The following STK32B variants were observed in gnomAD, a reference collection of about 807,000 sequenced individuals.
STK32B encodes the protein serine/threonine-protein kinase 32B.
STK32B carries 43 observed loss-of-function variants against 52.6 expected under a neutral mutation model. That is an observed-to-expected ratio of 0.82 (90% CI 0.64 to 1.05). The LOEUF (loss-of-function observed/expected upper bound fraction) is 1.05, where lower values mean the gene tolerates loss of function less well. Ranked by LOEUF, STK32B falls within the 50% of genes least tolerant of loss-of-function variation. STK32B has a pLI of 0.00. For missense variants in STK32B, 621 were observed against 534.6 expected (o/e 1.16, Z -1.59); for synonymous variants, 238 against 204.3 (o/e 1.17, Z -1.41).
At chr4:5,369,581 C>A (rs1177405474) in intron 4 of STK32B, among the ~76,000 whole-genome samples, 1 of 152,106 alleles carries the variant, frequency 6.6e-6, no homozygotes, top group Non-Finnish European at 1.5e-5. Flanking sequence ...AGAAGGTGGG[C>A]GTCCTCATGG....
chr4:5,240,035 TC>T (rs1405321197), intron 3 of STK32B, among the ~76,000 whole-genome samples: 2 of 148,322 alleles, frequency 1.3e-5, no homozygotes, highest in African/African-American at 2.6e-5. Flanking sequence ...TTTTTCTCTT[TC>T]CCCCCTTCAT....
At chr4:5,207,769 A>C (rs377115273) in intron 3 of STK32B, among the ~76,000 whole-genome samples, 22 of 151,908 alleles carry the variant, frequency 1.4e-4, no homozygotes, top group African/African-American at 5.1e-4. Flanking sequence ...CTCATTGGCA[A>C]AGAGGACTGT....
At chr4:5,412,807 C>T (rs1245180085) in intron 5 of STK32B, among the ~76,000 whole-genome samples, 1 of 152,132 alleles carries the variant, frequency 6.6e-6, no homozygotes, top group Non-Finnish European at 1.5e-5. Flanking sequence ...TTATGAGTTT[C>T]CCTGCTTTGG....
At chr4:5,304,070 GGTGACT>G (rs1489566476) in intron 3 of STK32B, among the ~76,000 whole-genome samples, 3 of 151,998 alleles carry the variant, frequency 2.0e-5, no homozygotes, top group African/African-American at 7.3e-5. Context: ...ATGCTGTTTG[GGTGACT>G]GTGGCCTTAC....
chr4:5,168,684 T>C (rs1719087825), intron 3 of STK32B, among the ~76,000 whole-genome samples: 1 of 152,222 alleles, frequency 6.6e-6, no homozygotes, highest in Admixed American at 6.5e-5. Flanking sequence ...TGAAAATAAA[T>C]GGAGAAGTGT....
intron 3 of STK32B, among the ~76,000 whole-genome samples, chr4:5,183,813 C>T (rs1720536317): frequency 6.6e-6 from 1 of 152,106 alleles, no homozygotes; most frequent in South Asian, 2.1e-4. Flanking sequence ...GCTTTTTTCC[C>T]CTTTAAACCT....
At chr4:5,163,450 G>A (rs890075383) in intron 2 of STK32B, among the ~76,000 whole-genome samples, 7 of 152,110 alleles carry the variant, frequency 4.6e-5, no homozygotes, top group African/African-American at 1.7e-4. Context: ...GTGGCAGTAG[G>A]TCAGGGAAGG....
intron 3 of STK32B, among the ~76,000 whole-genome samples, chr4:5,267,998 G>A (rs191129553): frequency 9.9e-5 from 15 of 152,244 alleles, no homozygotes; most frequent in African/African-American, 2.9e-4. Flanking sequence ...GGTTGCTTTG[G>A]ACAAGGTACA....
At chr4:5,235,699 C>G (rs1209656512) in intron 3 of STK32B, among the ~76,000 whole-genome samples, 1 of 152,202 alleles carries the variant, frequency 6.6e-6, no homozygotes, top group East Asian at 1.9e-4. Context: ...ACAGTCTGCT[C>G]CAGCCTCATT....
chr4:5,082,725 C>T (rs796862440), intron 1 of STK32B, among the ~76,000 whole-genome samples: 42 of 129,498 alleles, frequency 3.2e-4, no homozygotes, highest in African/African-American at 3.1e-4. Flanking sequence ...AGTACATGTT[C>T]GTAGTAAAAA....
At chr4:5,087,221 A>G (rs28870688) in intron 1 of STK32B, among the ~76,000 whole-genome samples, 59,033 of 151,870 alleles carry the variant, frequency 0.39, 12,199 homozygotes, top group Non-Finnish European at 0.47. Flanking sequence ...GAAATTAAGT[A>G]GTATTAATAG....
chr4:5,281,284 T>G (rs1008326729), intron 3 of STK32B, among the ~76,000 whole-genome samples: 4 of 152,094 alleles, frequency 2.6e-5, no homozygotes, highest in African/African-American at 9.7e-5. Context: ...CCAAACCATA[T>G]CAGTCACTAT....
At position 5,400,292 on chromosome 4, in the gene STK32B, C is replaced by T. The variant is rs1009002077; in HGVS notation, c.472+2048C>T. Among the ~76,000 whole-genome samples the T allele has an allele frequency of 6.6e-6, 1 of 152,182 alleles. No individual in the cohort carries two copies. Among genetic ancestry groups the T allele is most frequent in the African/African-American group, 2.4e-5 (1 of 41,442 alleles). On this transcript the variant is annotated intron_variant, in intron 5 of 11. Transcript: ENST00000282908. This position sits in a 1 kb window ranked among gnomAD's most constrained non-coding sequence, Gnocchi z 6.1. ...TCCTGCCTTTTGGATTTCCATCCAT[C>T]CCATTCCGCCTCCCTTTCTGTACCC...
chr4:5,466,621 T>A, intron 9 of STK32B, 82 bp from the exon 10 acceptor site: 1 of 1,497,660 alleles, frequency 6.7e-7, no homozygotes, highest in Non-Finnish European at 9.0e-7. Context: ...GTTGAATGAA[T>A]GAATGGTTGA....
rs1286666935 is a variant in STK32B, at chr4:5,500,176, G to GGAGT, written c.*1094_*1097dup. ...GATGAGCAGGGAAAGCTTAGACTTT[G>GGAGT]GAGTCAGGTTTGTGTTCAGAATCCA... On this transcript the variant is annotated 3_prime_UTR_variant, in exon 12 of 12. Transcript: ENST00000282908. The GGAGT allele has an allele frequency of 2.0e-5, 3 of 152,184 alleles. No homozygotes were observed. The highest frequency in any genetic ancestry group is 4.4e-5 in the Non-Finnish European group (3 of 68,040). 9.4% of individuals were successfully genotyped at this position (152,184 alleles called of 1,614,324 possible).
At position 5,316,293 on chromosome 4, in the gene STK32B, TTA is replaced by T. The variant is rs1373924699; in HGVS notation, c.261-14920_261-14919del. 1.3e-4 allele frequency among the ~76,000 whole-genome samples: 8 copies of T among 62,168 alleles called. 1 individual carries two copies. The Admixed American group carries it at 1.4e-3, about 11-fold the overall frequency. The allele number at this position is 62,168 out of a possible 152,430, so 40.8% of individuals were successfully genotyped here. On this transcript the variant is annotated intron_variant, in intron 3 of 11. Transcript: ENST00000282908. Reference sequence around the variant, plus strand: ...TATATATAATATATTATATACAATATTATATATAATATATATATTGTATATTA... The same window carrying T: ...TATATATAATATATTATATACAATATTATATAATATATATATTGTATATTA...
intron 3 of STK32B, among the ~76,000 whole-genome samples, chr4:5,183,014 T>A (rs1345440543): frequency 6.6e-6 from 1 of 152,198 alleles, no homozygotes; most frequent in Non-Finnish European, 1.5e-5. Context: ...TAATCAGATG[T>A]GCTGTCTTCC....
chr4:5,303,147 T>G (rs895560734), intron 3 of STK32B, among the ~76,000 whole-genome samples: 3 of 152,066 alleles, frequency 2.0e-5, no homozygotes, highest in Admixed American at 2.0e-4. Flanking sequence ...AACATGTGTG[T>G]GCAGGTATCT....
At chr4:5,406,649 G>T (rs933662607) in intron 5 of STK32B, among the ~76,000 whole-genome samples, 1 of 152,172 alleles carries the variant, frequency 6.6e-6, no homozygotes, top group Non-Finnish European at 1.5e-5. Context: ...CTTATGGCTT[G>T]CACCCTTTGG....
Sources: gnomAD v4.1 joint callset for allele counts (sites outside exome capture counted in the v4.1 genomes callset) on GRCh38, gnomAD v4.1.1 for gene constraint, Gnocchi (gnomAD v3.1) non-coding constraint, MANE v1.5 for transcripts, NCBI Gene and HGNC (gene_info 2026-07-23, HGNC 2026-07-21) for gene names.